EPHA3: variants seen among roughly 807,000 people sequenced by gnomAD.
EPHA3 encodes ephrin type-A receptor 3.
A neutral mutation model predicts 107.1 loss-of-function variants in EPHA3; 42 were observed. That is an observed-to-expected ratio of 0.39 (90% CI 0.31 to 0.51). The LOEUF (loss-of-function observed/expected upper bound fraction) is 0.51, where lower values mean the gene tolerates loss of function less well. Ranked by LOEUF, EPHA3 falls within the 20% of genes least tolerant of loss-of-function variation. The pLI, the probability that EPHA3 is intolerant of heterozygous loss-of-function variation, is 0.78. For synonymous variants in EPHA3, 461 were observed against 424.8 expected, an observed-to-expected ratio of 1.09 and a Z score of -1.05; for missense variants, 1,183 against 1,211.2, an observed-to-expected ratio of 0.98 and a Z score of 0.35.
intron 13 of EPHA3, among the ~76,000 whole-genome samples, chr3:89,443,042 T>C (rs1265844932): frequency 1.3e-5 from 2 of 152,198 alleles, no homozygotes; most frequent in Non-Finnish European, 2.9e-5. Flanking sequence ...AAGATAAATA[T>C]ATCAGATATT....
intron 5 of EPHA3, among the ~76,000 whole-genome samples, chr3:89,372,920 CA>C (rs1186570707): frequency 6.6e-6 from 1 of 151,710 alleles, no homozygotes; most frequent in African/African-American, 2.4e-5. Context: ...GATATGTCTA[CA>C]TAGAACTGCT....
chr3:89,309,637 A>T (rs1161310413), intron 3 of EPHA3, among the ~76,000 whole-genome samples: 1 of 152,078 alleles, frequency 6.6e-6, no homozygotes, highest in Non-Finnish European at 1.5e-5. Flanking sequence ...AGCTAGATTA[A>T]TCTACTTTAC....
At chr3:89,286,119 C>CGTGTGTGTGTGTGTGT (rs373081017) in intron 3 of EPHA3, among the ~76,000 whole-genome samples, 3 of 136,658 alleles carry the variant, frequency 2.2e-5, no homozygotes, top group South Asian at 2.6e-4. Flanking sequence ...TCAATTTCTA[C>CGTGTGTGTGTGTGTGT]GTGTGTGTGT....
In EPHA3 at chr3:89,145,196, C is replaced by T. The variant is rs1278052049; in HGVS notation, c.153+17923C>T. ...AGTCATTGTTCTCAAAACTTTGCTG[C>T]TAATGAATTACTTTATTTTCTATAA... On this transcript the variant is annotated intron_variant, in intron 2 of 16. Transcript: ENST00000336596. Among the ~76,000 whole-genome samples the T allele has an allele frequency of 2.6e-5, 4 of 151,480 alleles. No individual in the cohort carries two copies. The East Asian group carries it at 7.8e-4, about 29-fold the overall frequency.
chr3:89,408,402 C>CTG (rs912536047), intron 9 of EPHA3, among the ~76,000 whole-genome samples: 32 of 152,174 alleles, frequency 2.1e-4, no homozygotes, highest in African/African-American at 7.7e-4. Flanking sequence ...GTAGTAGAAA[C>CTG]TAGTCTGCTC....
intron 2 of EPHA3, among the ~76,000 whole-genome samples, chr3:89,195,461 A>T (rs781235444): frequency 6.6e-6 from 1 of 152,184 alleles, no homozygotes; most frequent in Non-Finnish European, 1.5e-5. Flanking sequence ...AGGGTTTTCA[A>T]GGATAAAATG....
chr3:89,331,281 A>T (rs1368159939), intron 3 of EPHA3, among the ~76,000 whole-genome samples: 1 of 152,208 alleles, frequency 6.6e-6, no homozygotes, highest in Non-Finnish European at 1.5e-5. Context: ...TTTATGAAAT[A>T]AGTGATCAAG....
chr3:89,204,608 A>ATGTGTGTGTG (rs71621535), intron 2 of EPHA3, among the ~76,000 whole-genome samples: 32,544 of 148,558 alleles, frequency 0.22, 3,924 homozygotes, highest in East Asian at 0.35. Flanking sequence ...CTGTGTGTAA[A>ATGTGTGTGTG]TGTGTGTGTG....
chr3:89,368,959 G>A (rs1708238814), intron 5 of EPHA3, among the ~76,000 whole-genome samples: 3 of 150,682 alleles, frequency 2.0e-5, no homozygotes, highest in Non-Finnish European at 3.0e-5. Flanking sequence ...AGGCAAGGAT[G>A]TGAAGTAAGA....
intron 2 of EPHA3, among the ~76,000 whole-genome samples, chr3:89,175,773 C>A (rs1327378198): frequency 6.6e-6 from 1 of 152,058 alleles, no homozygotes; most frequent in African/African-American, 2.4e-5. Flanking sequence ...CTGAACCATG[C>A]CTGCGATTCT....
intron 3 of EPHA3, among the ~76,000 whole-genome samples, chr3:89,247,494 G>A (rs1175385731): frequency 1.3e-5 from 2 of 152,124 alleles, no homozygotes; most frequent in African/African-American, 4.8e-5. Flanking sequence ...CTTTATTTAT[G>A]TGTTGTCAGT....
chr3:89,419,082 C>T, intron 10 of EPHA3, 123 bp from the exon 11 acceptor site: 1 of 962,184 alleles, frequency 1.0e-6, no homozygotes, highest in Non-Finnish European at 1.5e-6. Flanking sequence ...CTAGAGTGTA[C>T]ATCTTGCAGG....
At chr3:89,343,025 C>G (rs1707566937) in intron 5 of EPHA3, among the ~76,000 whole-genome samples, 1 of 152,152 alleles carries the variant, frequency 6.6e-6, no homozygotes, top group African/African-American at 2.4e-5. Context: ...TGAGTATAAA[C>G]TCGGCTTCTG....
At chr3:89,250,082 T>C (rs1705126445) in intron 3 of EPHA3, among the ~76,000 whole-genome samples, 1 of 152,202 alleles carries the variant, frequency 6.6e-6, no homozygotes, top group African/African-American at 2.4e-5. Flanking sequence ...CAATTTCCAG[T>C]TTTAAAGTTC....
At chr3:89,177,064 G>A (rs1705335358) in intron 2 of EPHA3, among the ~76,000 whole-genome samples, 2 of 151,812 alleles carry the variant, frequency 1.3e-5, no homozygotes, top group Admixed American at 1.3e-4. Context: ...TAGCATAAAG[G>A]GTTCACTCTG....
At chr3:89,372,284 G>A (rs1052235752) in intron 5 of EPHA3, among the ~76,000 whole-genome samples, 2 of 151,610 alleles carry the variant, frequency 1.3e-5, no homozygotes, top group Non-Finnish European at 3.0e-5. Context: ...TAGTATTGAA[G>A]AGGCTTCATA....
chr3:89,170,526 T>C (rs1705186769), intron 2 of EPHA3, among the ~76,000 whole-genome samples: 2 of 152,274 alleles, frequency 1.3e-5, no homozygotes, highest in South Asian at 2.1e-4. Context: ...AACTTGGCTA[T>C]AAAGTGTAGC....
chr3:89,233,030 T>C (rs1704673580), intron 3 of EPHA3, among the ~76,000 whole-genome samples: 1 of 152,138 alleles, frequency 6.6e-6, no homozygotes, highest in Non-Finnish European at 1.5e-5. Context: ...TACTAAAATA[T>C]GGTAATTTTA....
intron 3 of EPHA3, among the ~76,000 whole-genome samples, chr3:89,326,853 C>T (rs998229523): frequency 5.3e-5 from 8 of 151,612 alleles, no homozygotes; most frequent in Non-Finnish European, 1.0e-4. Flanking sequence ...TTTTTTAATT[C>T]GGAAGCTTCT....
Sources: gnomAD v4.1 joint callset for allele counts (sites outside exome capture counted in the v4.1 genomes callset) on GRCh38, gnomAD v4.1.1 for gene constraint, MANE v1.5 for transcripts, NCBI Gene and HGNC (gene_info 2026-07-23, HGNC 2026-07-21) for gene names.